The following GLMN variants were observed in gnomAD, a reference collection of about 807,000 sequenced individuals.
GLMN encodes the protein glomulin, FKBP associated protein, also known as glomulin.
In GLMN, 75 loss-of-function variants were observed where a neutral mutation model predicts 87.8. That is an observed-to-expected ratio of 0.85 (90% CI 0.71 to 1.04). The LOEUF (loss-of-function observed/expected upper bound fraction) is 1.04. Ranked by LOEUF, GLMN falls within the 50% of genes least tolerant of loss-of-function variation. GLMN has a pLI of 0.00. For missense variants in GLMN, 588 were observed against 658.8 expected (o/e 0.89, Z 1.18); for synonymous variants, 206 against 221.6 (o/e 0.93, Z 0.63).
upstream of GLMN, among the ~76,000 whole-genome samples, chr1:92,302,332 A>G (rs1310391774): frequency 7.6e-6 from 1 of 132,404 alleles, no homozygotes. Context: ...ATGGGGGAGA[A>G]AAAAAAAAAA....
At chr1:92,347,102 C>T in the GLMN span, among the ~76,000 whole-genome samples, 1 of 152,072 alleles carries the variant, frequency 6.6e-6, no homozygotes, top group Non-Finnish European at 1.5e-5. Context: ...TCTGTGTCAC[C>T]CAACTAGATG....
chr1:92,254,364 A>C (rs1222866181), intron 16 of GLMN, among the ~76,000 whole-genome samples: 1 of 152,202 alleles, frequency 6.6e-6, no homozygotes, highest in Admixed American at 6.5e-5. Context: ...TATCCAGGAG[A>C]ACTTCCCAAC....
the GLMN span, among the ~76,000 whole-genome samples, chr1:92,328,955 C>CTTGGTA: frequency 1.3e-5 from 2 of 152,162 alleles, no homozygotes; most frequent in African/African-American, 4.8e-5. Context: ...AGGCTTCTGG[C>CTTGGTA]GGGTACTAGG....
chr1:92,261,695 A>G lies in GLMN; in HGVS notation c.1473+1168T>C, dbSNP rs116192118. On this transcript the variant is annotated intron_variant, in intron 16 of 18. Transcript: ENST00000370360. The stretch of plus-strand genomic sequence containing the variant: ...TAAAATTTGAACATTTCATTATGTA[A>G]ATTTTACTTCAAAGAAAAACTACAG... Among the ~76,000 whole-genome samples, 911 of 152,314 alleles carry G rather than the reference A, an allele frequency of 6.0e-3. 8 individuals are homozygous for G. Among genetic ancestry groups the G allele is most frequent in the African/African-American group, 0.019 (803 of 41,572 alleles).
the GLMN span, among the ~76,000 whole-genome samples, chr1:92,349,351 A>G: frequency 1.3e-5 from 2 of 152,236 alleles, no homozygotes; most frequent in African/African-American, 4.8e-5. Flanking sequence ...TGTTTAATCC[A>G]TGAAAGCTGT....
chr1:92,331,141 A>G, the GLMN span, among the ~76,000 whole-genome samples: 1 of 152,228 alleles, frequency 6.6e-6, no homozygotes, highest in East Asian at 1.9e-4. Context: ...GTTATTGGGT[A>G]TAAATGTAAA....
At chr1:92,363,007 C>G in the GLMN span, among the ~76,000 whole-genome samples, 6 of 152,214 alleles carry the variant, frequency 3.9e-5, no homozygotes, top group African/African-American at 1.4e-4. Context: ...CAAGGTTATA[C>G]ATTGAGATAG....
intron 13 of GLMN, among the ~76,000 whole-genome samples, chr1:92,265,708 G>A (rs1655562372): frequency 6.6e-6 from 1 of 152,182 alleles, no homozygotes; most frequent in African/African-American, 2.4e-5. Flanking sequence ...GGCCAAGGGT[G>A]AAGGCTGCAG....
intron 3 of GLMN, 104 bp from the exon 4 acceptor site, chr1:92,291,641 G>A (rs901074467): frequency 9.0e-7 from 1 of 1,116,362 alleles, no homozygotes. Flanking sequence ...GAAATAGGAA[G>A]ATGAGACAAG....
chr1:92,329,284 C>A, the GLMN span, among the ~76,000 whole-genome samples: 1 of 152,150 alleles, frequency 6.6e-6, no homozygotes, highest in East Asian at 1.9e-4. Flanking sequence ...GTGGGGGTAC[C>A]ATTGTGTGAT....
the GLMN span, among the ~76,000 whole-genome samples, chr1:92,346,910 T>C: frequency 2.0e-5 from 3 of 152,210 alleles, no homozygotes; most frequent in East Asian, 3.9e-4. Flanking sequence ...TTGAAGCCCA[T>C]AGGACATTGA....
upstream of GLMN, chr1:92,300,199 A>G (rs139939334): frequency 3.6e-5 from 58 of 1,608,346 alleles, no homozygotes; most frequent in African/African-American, 5.4e-5. Context: ...TGTAGGTACT[A>G]AACAGACAAG....
At chr1:92,367,565 C>A in the GLMN span, among the ~76,000 whole-genome samples, 1 of 152,206 alleles carries the variant, frequency 6.6e-6, no homozygotes, top group Non-Finnish European at 1.5e-5. Flanking sequence ...CCAATGTTAT[C>A]TTTTAGCAGT....
chr1:92,273,125 T>TG (rs1300678847), intron 7 of GLMN, among the ~76,000 whole-genome samples: 2 of 152,158 alleles, frequency 1.3e-5, no homozygotes, highest in Non-Finnish European at 2.9e-5. Flanking sequence ...CCTGACTTTG[T>TG]GGGGAATTAT....
chr1:92,270,699 A>G (rs1656150806), intron 8 of GLMN, among the ~76,000 whole-genome samples: 1 of 152,128 alleles, frequency 6.6e-6, no homozygotes, highest in East Asian at 1.9e-4. Context: ...AATAATTTTA[A>G]TAAACATTGT....
At chr1:92,287,010 G>C (rs1648833878) in intron 6 of GLMN, among the ~76,000 whole-genome samples, 2 of 152,290 alleles carry the variant, frequency 1.3e-5, no homozygotes, top group South Asian at 4.1e-4. Context: ...AATGGATTAA[G>C]ACAAGCATCA....
chr1:92,329,450 C>T, the GLMN span, among the ~76,000 whole-genome samples: 38 of 152,066 alleles, frequency 2.5e-4, no homozygotes, highest in Non-Finnish European at 4.1e-4. Flanking sequence ...TCCCACCGTG[C>T]CCCCACAACA....
At chr1:92,321,366 T>A in the GLMN span, among the ~76,000 whole-genome samples, 1 of 152,218 alleles carries the variant, frequency 6.6e-6, no homozygotes, top group African/African-American at 2.4e-5. Flanking sequence ...GCCCCATGGC[T>A]ATATAGGCTA....
chr1:92,248,125 A>C (rs1319869078), intron 16 of GLMN, 136 bp from the exon 17 acceptor site: 1 of 626,286 alleles, frequency 1.6e-6, no homozygotes, highest in African/African-American at 1.8e-5. Flanking sequence ...CTATTTAATA[A>C]TTATTACTAT....
Sources: allele counts gnomAD v4.1 joint callset (sites outside exome capture counted in the v4.1 genomes callset), GRCh38; gene constraint gnomAD v4.1.1; transcripts MANE v1.5; gene names NCBI Gene and HGNC (gene_info 2026-07-23, HGNC 2026-07-21).